The following PPFIA2 variants were observed in gnomAD, a reference collection of about 807,000 sequenced individuals.
PPFIA2 encodes liprin-alpha-2.
In PPFIA2, 46 loss-of-function variants were observed where a neutral mutation model predicts 175.5. That is an observed-to-expected ratio of 0.26 (90% CI 0.21 to 0.34). The LOEUF (loss-of-function observed/expected upper bound fraction) is 0.34, where lower values mean the gene tolerates loss of function less well. PPFIA2 is among the 10% of genes least tolerant of loss of function. The pLI, the probability that PPFIA2 is intolerant of heterozygous loss-of-function variation, is 1.00. For synonymous variants in PPFIA2, 568 were observed against 511.4 expected (o/e 1.11, Z -1.49); for missense variants, 1,179 against 1,506.1 (o/e 0.78, Z 3.60).
intron 4 of PPFIA2, among the ~76,000 whole-genome samples, chr12:81,517,865 G>A (rs1241030655): frequency 1.3e-5 from 2 of 149,734 alleles, no homozygotes; most frequent in South Asian, 2.1e-4. Context: ...AAAACATACA[G>A]TTTTGAGGCT....
intron 4 of PPFIA2, among the ~76,000 whole-genome samples, chr12:81,637,998 CAGA>C (rs150487122): frequency 0.058 from 8,760 of 152,166 alleles, 369 homozygotes; most frequent in East Asian, 0.24. Context: ...TGCTCAGTCA[CAGA>C]AGAAGAAAAC....
chr12:81,582,603 C>T (rs11834290), intron 4 of PPFIA2, among the ~76,000 whole-genome samples: 2,221 of 151,806 alleles, frequency 0.015, 48 homozygotes, highest in East Asian at 0.041. Context: ...TGTGCTCACA[C>T]GTCCTTCAAT....
At chr12:81,617,289 C>T (rs1464594153) in intron 4 of PPFIA2, among the ~76,000 whole-genome samples, 1 of 152,204 alleles carries the variant, frequency 6.6e-6, no homozygotes, top group African/African-American at 2.4e-5. Flanking sequence ...TATCTTTTCA[C>T]ATTTATCCAA....
chr12:81,715,794 C>T (rs966483887), intron 3 of PPFIA2, among the ~76,000 whole-genome samples: 2 of 151,560 alleles, frequency 1.3e-5, no homozygotes, highest in African/African-American at 4.8e-5. Context: ...GCATTATGCT[C>T]CCTTGATTTC....
intron 7 of PPFIA2, among the ~76,000 whole-genome samples, chr12:81,434,948 T>C (rs2048723244): frequency 6.6e-6 from 1 of 152,156 alleles, no homozygotes; most frequent in African/African-American, 2.4e-5. Context: ...CTTTTTCTAT[T>C]CCTGTCATAA....
intron 4 of PPFIA2, among the ~76,000 whole-genome samples, chr12:81,460,720 C>T (rs891024082): frequency 6.6e-6 from 1 of 152,080 alleles, no homozygotes; most frequent in African/African-American, 2.4e-5. Flanking sequence ...TACAAAGATA[C>T]CACTAACAGC....
Position 81,647,057 on chromosome 12 carries a change from A to T in PPFIA2, c.303+29734T>A, listed in dbSNP as rs1356576733. Among the ~76,000 whole-genome samples, 6 of 30,132 alleles carry T rather than the reference A, an allele frequency of 2.0e-4. No homozygotes were observed. In the South Asian group the frequency reaches 3.6e-3, roughly 18 times the overall value. 19.8% of individuals were successfully genotyped at this position (30,132 alleles called of 152,430 possible). On this transcript the variant is annotated intron_variant, in intron 4 of 32. Coordinates refer to ENST00000549396, the MANE Select transcript of PPFIA2 (RefSeq NM_003625.5). ...TATGGATAATTTGAAGGAACTGGTTAAAAAAAAAGGGGGGGGGAGCGTGTA... is the reference window on the plus strand; with the variant it reads ...TATGGATAATTTGAAGGAACTGGTTTAAAAAAAAGGGGGGGGGAGCGTGTA...
chr12:81,543,765 G>C (rs2066568001), intron 4 of PPFIA2, among the ~76,000 whole-genome samples: 1 of 152,114 alleles, frequency 6.6e-6, no homozygotes, highest in Non-Finnish European at 1.5e-5. Flanking sequence ...AATCAACAGT[G>C]ATATGTAATA....
chr12:81,456,664 G>A (rs2053616151), intron 5 of PPFIA2, among the ~76,000 whole-genome samples: 1 of 152,032 alleles, frequency 6.6e-6, no homozygotes, highest in African/African-American at 2.4e-5. Context: ...ACATAGAAGT[G>A]GTTTTTTTCT....
intron 4 of PPFIA2, among the ~76,000 whole-genome samples, chr12:81,540,156 T>C (rs2065989458): frequency 6.6e-6 from 1 of 152,156 alleles, no homozygotes; most frequent in Admixed American, 6.6e-5. Context: ...CCAACTCCTG[T>C]TCTCTTGCCC....
At position 81,374,760 on chromosome 12, in the gene PPFIA2, C is replaced by G; in HGVS notation, c.1140G>C (p.Glu380Asp). The G allele has an allele frequency of 1.9e-6, 3 of 1,611,928 alleles. No homozygotes were observed. The highest frequency in any genetic ancestry group is 2.5e-6 in the Non-Finnish European group (3 of 1,178,810). The change falls in exon 11 of 33, where the codon GAG (glutamate) becomes GAC (aspartate). Residue 380 changes from glutamate to aspartate, a missense_variant. Around this residue, in one of 10 missense-constraint regions of PPFIA2, gnomAD observed 226 missense variants for 216.6 expected, o/e 1.04. Coordinates refer to ENST00000549396, the MANE Select transcript of PPFIA2 (RefSeq NM_003625.5). ...NKEAILRQMEEKNRQLQERLE... is the reference protein window; with the variant it reads ...NKEAILRQMEDKNRQLQERLE... ...GACGTTCTTGTAACTGTCTGTTTTT[C>G]TCTTCCATCTGAAATGGGAATGGGA...
chr12:81,705,812 T>C (rs1219080454), intron 3 of PPFIA2, among the ~76,000 whole-genome samples: 4 of 152,166 alleles, frequency 2.6e-5, no homozygotes, highest in African/African-American at 9.7e-5. Context: ...TACTGAAAAA[T>C]AGGTTCTCTT....
At chr12:81,408,030 T>C (rs990694365) in intron 7 of PPFIA2, among the ~76,000 whole-genome samples, 10 of 152,122 alleles carry the variant, frequency 6.6e-5, no homozygotes, top group African/African-American at 2.4e-4. Context: ...TCACTAAAAA[T>C]GTGTTGAATT....
At chr12:81,279,469 A>G (rs577423762) in intron 27 of PPFIA2, among the ~76,000 whole-genome samples, 5 of 152,286 alleles carry the variant, frequency 3.3e-5, no homozygotes, top group African/African-American at 1.2e-4. Context: ...AGTTTCTGCC[A>G]AGTTTTGATA....
intron 4 of PPFIA2, among the ~76,000 whole-genome samples, chr12:81,517,634 G>T (rs1036474219): frequency 3.3e-5 from 5 of 152,112 alleles, no homozygotes; most frequent in African/African-American, 1.2e-4. Context: ...AGTTGCAAGA[G>T]AATCTTGAAG....
At chr12:81,399,576 T>A (rs1273553341) in intron 8 of PPFIA2, among the ~76,000 whole-genome samples, 1 of 152,140 alleles carries the variant, frequency 6.6e-6, no homozygotes, top group Admixed American at 6.6e-5. Flanking sequence ...AGAAAATTGA[T>A]ACAACTTCAT....
intron 16 of PPFIA2, among the ~76,000 whole-genome samples, chr12:81,357,021 G>T (rs1470051963): frequency 6.6e-6 from 1 of 152,080 alleles, no homozygotes; most frequent in Non-Finnish European, 1.5e-5. Flanking sequence ...ACAGATCCTA[G>T]ATCTCTTTTA....
intron 4 of PPFIA2, among the ~76,000 whole-genome samples, chr12:81,659,375 C>A (rs946788603): frequency 3.9e-5 from 6 of 152,162 alleles, no homozygotes; most frequent in Non-Finnish European, 7.4e-5. Flanking sequence ...TAATACTGCA[C>A]TTTCTTAGCA....
chr12:81,494,058 A>G (rs1351236080), intron 4 of PPFIA2, among the ~76,000 whole-genome samples: 1 of 151,974 alleles, frequency 6.6e-6, no homozygotes, highest in Non-Finnish European at 1.5e-5. Flanking sequence ...CTAAAACACC[A>G]AAAGCAATGG....
Sources: allele counts gnomAD v4.1 joint callset (sites outside exome capture counted in the v4.1 genomes callset), GRCh38; gene constraint gnomAD v4.1.1; regional missense constraint gnomAD v4.1.1; transcripts MANE v1.5; gene names NCBI Gene and HGNC (gene_info 2026-07-23, HGNC 2026-07-21).